Variants in ANKLE2 observed in about 807,000 individuals in gnomAD.
ANKLE2 encodes ankyrin repeat and LEM domain-containing protein 2.
Under a neutral mutation model 84.2 loss-of-function variants are expected in ANKLE2, and 55 were observed. The ratio of observed to expected loss-of-function variants is 0.65; its 90% CI spans 0.53 to 0.82. The LOEUF (loss-of-function observed/expected upper bound fraction) is 0.82. Ranked by LOEUF, ANKLE2 falls within the 40% of genes least tolerant of loss-of-function variation. The pLI is 0.00. For synonymous variants in ANKLE2, 551 were observed against 486.1 expected, an observed-to-expected ratio of 1.13 and a Z score of -1.76; for missense variants, 1,238 against 1,201.9, an observed-to-expected ratio of 1.03 and a Z score of -0.44.
Position 132,754,756 on chromosome 12 carries a change from T to A in ANKLE2, c.559A>T (p.Arg187Ter). 6.2e-7 allele frequency: 1 copy of A among 1,614,154 alleles called. No individual in the cohort carries two copies. Among genetic ancestry groups the A allele is most frequent in the Non-Finnish European group, 8.5e-7 (1 of 1,180,024 alleles). Residue 187 changes from arginine to a stop codon, truncating the protein, a stop_gained, in exon 2 of 13, where the codon AGA becomes TGA. Transcript: ENST00000357997. LOFTEE classifies it high-confidence loss of function. ...SVPPSDTDTY[R>*]AGATASKEPP... ...TCCTTAGACGCAGTCGCTCCAGCTC[T>A]GTAGGTGTCGGTGTCACTAGGGGGC... is the stretch of plus-strand genomic sequence containing the variant.
chr12:132,732,363 ATACGCACTGTGAAGCG>A (rs1566013848), intron 10 of ANKLE2, among the ~76,000 whole-genome samples: 273 of 130,258 alleles, frequency 2.1e-3, no homozygotes, highest in East Asian at 5.5e-3. Context: ...CTGGTGTCTG[ATACGCACTGTGAAGCG>A]CTCTGCGTGC....
intron 6 of ANKLE2, chr12:132,742,263 T>C (rs781198126): frequency 1.7e-4 from 27 of 156,636 alleles, no homozygotes; most frequent in Non-Finnish European, 3.5e-4. Context: ...ATTTCTCAGT[T>C]GTAGAATTTT....
intron 1 of ANKLE2, chr12:132,756,892 C>T (rs901387889): frequency 2.0e-5 from 3 of 151,822 alleles, no homozygotes; most frequent in African/African-American, 7.3e-5. Flanking sequence ...GATCGCACCA[C>T]TACACTCCAG....
chr12:132,751,679 A>AT (rs2044360167), intron 2 of ANKLE2, among the ~76,000 whole-genome samples: 1 of 150,772 alleles, frequency 6.6e-6, no homozygotes, highest in Non-Finnish European at 1.5e-5. Flanking sequence ...TGTAGCTGGG[A>AT]TTATAGGCAC....
chr12:132,733,628 C>T (rs1348586616), intron 10 of ANKLE2, among the ~76,000 whole-genome samples: 1 of 150,802 alleles, frequency 6.6e-6, no homozygotes, highest in Non-Finnish European at 1.5e-5. Flanking sequence ...CCGTGTGAAG[C>T]TCTCTGCGTC....
At chr12:132,737,841 G>C (rs558743586) in intron 7 of ANKLE2, 2 of 151,762 alleles carry the variant, frequency 1.3e-5, no homozygotes. Flanking sequence ...CTGCAGCCTC[G>C]AACTCCCAGG....
At chr12:132,739,397 G>A (rs577174964) in intron 7 of ANKLE2, among the ~76,000 whole-genome samples, 7 of 152,158 alleles carry the variant, frequency 4.6e-5, no homozygotes, top group Non-Finnish European at 1.0e-4. Context: ...TCTTATATTT[G>A]GATGCATCCT....
chr12:132,751,552 T>C (rs116154122), intron 2 of ANKLE2, among the ~76,000 whole-genome samples: 2,439 of 150,692 alleles, frequency 0.016, 76 homozygotes, highest in African/African-American at 0.055. Flanking sequence ...GGAATGGCTG[T>C]TTTTTTTTGA....
intron 5 of ANKLE2, chr12:132,745,770 G>A (rs1161405973): frequency 4.0e-5 from 7 of 173,654 alleles, no homozygotes; most frequent in Non-Finnish European, 7.7e-5. Context: ...GGTCGCTTAC[G>A]CTCAGCTGCA....
chr12:132,754,832 C>T lies in ANKLE2; in HGVS notation c.483G>A (p.Val161=). 1.2e-6 allele frequency: 2 copies of T among 1,614,168 alleles called. No individual in the cohort carries two copies. Among genetic ancestry groups the T allele is most frequent in the Non-Finnish European group, 1.7e-6 (2 of 1,180,038 alleles). Residue 161 remains valine, a synonymous_variant, in exon 2 of 13, where the codon GTG becomes GTA. Transcript: ENST00000357997. ...CTTCCTCCTCTGGAGGATTCAGGCC[C>T]ACACTGTAACCAAAATCTCTGTCTT... ...FSEDRDFGYS[V]GLNPPEEEAV...
In ANKLE2 at chr12:132,754,538, A is replaced by G. The variant is rs562739069; in HGVS notation, c.640+137T>C. 56 of 777,982 alleles carry G rather than the reference A, an allele frequency of 7.2e-5. No homozygotes were observed. The African/African-American group carries it at 7.9e-4, about 11-fold the overall frequency. 48.2% of individuals were successfully genotyped at this position (777,982 alleles called of 1,614,324 possible). On this transcript the variant is annotated intron_variant, in intron 2 of 12. Transcript: ENST00000357997. Reference sequence around the variant, plus strand: ...AAAGTTCTACATAAAAATGTTAACAATGGTTAACTGGGGTGATGAGATGGA... The same window carrying G: ...AAAGTTCTACATAAAAATGTTAACAGTGGTTAACTGGGGTGATGAGATGGA...
chr12:132,750,571 G>C (rs1024906869), intron 3 of ANKLE2, 72 bp downstream of exon 3: 4 of 1,544,724 alleles, frequency 2.6e-6, no homozygotes, highest in African/African-American at 2.7e-5. Context: ...CCACATCAGA[G>C]GAAAGAAGGC....
At chr12:132,745,360 AGGAGGG>A (rs1239162000) in intron 5 of ANKLE2, 2 of 166,582 alleles carry the variant, frequency 1.2e-5, no homozygotes, top group Admixed American at 1.3e-4. Context: ...CTGGCAGCCA[AGGAGGG>A]GGACTGTGGA....
intron 8 of ANKLE2, 75 bp from the exon 9 acceptor site, chr12:132,735,587 G>T (rs1227783499): frequency 1.7e-6 from 2 of 1,199,874 alleles, no homozygotes; most frequent in Non-Finnish European, 1.2e-6. Flanking sequence ...AAGAGCCGTC[G>T]TCATCGCAGT....
Position 132,748,058 on chromosome 12 carries a change from T to C in ANKLE2, c.1042-38A>G, listed in dbSNP as rs755035904. The C allele has an allele frequency of 1.1e-5, 18 of 1,600,960 alleles. No individual in the cohort carries two copies. The East Asian group carries it at 3.8e-4, about 34-fold the overall frequency. ...CGCATGCTCTGAGCTTCCTATCTGATGTGTGGACACGCCCTGTGCGAGTGC... is the reference window on the plus strand; with the variant it reads ...CGCATGCTCTGAGCTTCCTATCTGACGTGTGGACACGCCCTGTGCGAGTGC... On this transcript the variant is annotated intron_variant, in intron 4 of 12. Transcript: ENST00000357997.
chr12:132,728,210 A>G (rs114455002), intron 11 of ANKLE2, 47 bp from the exon 12 acceptor site: 15 of 1,597,358 alleles, frequency 9.4e-6, no homozygotes, highest in Non-Finnish European at 1.2e-5. Context: ...GTAAAAACAT[A>G]AAGACTTCTA....
At chr12:132,739,909 A>C (rs941704920) in intron 7 of ANKLE2, among the ~76,000 whole-genome samples, 2 of 152,224 alleles carry the variant, frequency 1.3e-5, no homozygotes, top group African/African-American at 2.4e-5. Context: ...GCCCACAGGA[A>C]CATGGATCTC....
intron 1 of ANKLE2, chr12:132,759,578 A>G (rs1365508967): frequency 1.3e-5 from 2 of 152,162 alleles, no homozygotes; most frequent in Non-Finnish European, 2.9e-5. Context: ...TACGTATATT[A>G]TACATCATAT....
intron 1 of ANKLE2, chr12:132,757,540 T>C (rs529550730): frequency 6.6e-6 from 1 of 152,272 alleles, no homozygotes; most frequent in Admixed American, 6.6e-5. Context: ...AATTATCTGA[T>C]GGCTGGGCGC....
Sources: allele counts gnomAD v4.1 joint callset (sites outside exome capture counted in the v4.1 genomes callset), GRCh38; gene constraint gnomAD v4.1.1; transcripts MANE v1.5; gene names NCBI Gene and HGNC (gene_info 2026-07-23, HGNC 2026-07-21).